PRKN: variants seen among roughly 807,000 people sequenced by gnomAD.
PRKN encodes the protein E3 ubiquitin-protein ligase parkin.
Under a neutral mutation model 59.5 loss-of-function variants are expected in PRKN, and 56 were observed. That is an observed-to-expected ratio of 0.94 (90% CI 0.76 to 1.18). PRKN has a LOEUF of 1.18. PRKN is among the 50% of genes most tolerant of loss of function. The probability of loss-of-function intolerance (pLI) is 0.00; values close to 1 mark genes in which losing one functional copy is unlikely to be tolerated. For synonymous variants in PRKN, 250 were observed against 222.1 expected, an observed-to-expected ratio of 1.13 and a Z score of -1.12; for missense variants, 657 against 596.4, an observed-to-expected ratio of 1.10 and a Z score of -1.06.
At chr6:162,593,684 G>A (rs1437501510) in intron 1 of PRKN, among the ~76,000 whole-genome samples, 1 of 152,104 alleles carries the variant, frequency 6.6e-6, no homozygotes, top group Non-Finnish European at 1.5e-5. Flanking sequence ...CCCAGAGGAA[G>A]GGCAACTGGC....
intron 2 of PRKN, among the ~76,000 whole-genome samples, chr6:162,388,861 G>C (rs1051665429): frequency 6.6e-6 from 1 of 152,036 alleles, no homozygotes; most frequent in Non-Finnish European, 1.5e-5. Context: ...TCGGGTATGG[G>C]GGTCTGATGC....
chr6:161,640,092 G>A (rs999018373), intron 7 of PRKN, among the ~76,000 whole-genome samples: 1 of 152,164 alleles, frequency 6.6e-6, no homozygotes, highest in Non-Finnish European at 1.5e-5. Flanking sequence ...AGCACTGTAT[G>A]TATTTTATTC....
chr6:162,504,834 A>C (rs906388562), intron 1 of PRKN, among the ~76,000 whole-genome samples: 4 of 152,300 alleles, frequency 2.6e-5, no homozygotes, highest in Admixed American at 1.3e-4. Flanking sequence ...AACTGTAGAA[A>C]TCAATATGAA....
rs200077606 is a variant in PRKN at position 161,536,420 on chromosome 6, G to GA, written c.1083+12433dup. ...TCATTTCCCAAACTGGTCCACACTT[G>GA]AAAAAAAAAAAAAATCTGTTCTGTT... On this transcript the variant is annotated intron_variant, in intron 9 of 11. Coordinates refer to ENST00000366898, the MANE Select transcript of PRKN (RefSeq NM_004562.3). Among the ~76,000 whole-genome samples, 1,353 of 141,440 alleles carry GA rather than the reference G, an allele frequency of 9.6e-3. 20 individuals are homozygous for GA. Among genetic ancestry groups the GA allele is most frequent in the African/African-American group, 0.031 (1,179 of 38,484 alleles). 92.8% of individuals were successfully genotyped at this position (141,440 alleles called of 152,430 possible). A position where few individuals can be genotyped will look rare whatever the true frequency, so the allele number is the denominator to read the frequency against.
intron 4 of PRKN, among the ~76,000 whole-genome samples, chr6:162,153,266 T>G (rs1232863917): frequency 1.3e-5 from 2 of 152,218 alleles, no homozygotes; most frequent in Non-Finnish European, 1.5e-5. Flanking sequence ...ATTACTCACT[T>G]GGGCCTGCTG....
chr6:162,233,552 T>C (rs1347027525), intron 3 of PRKN, among the ~76,000 whole-genome samples: 2 of 152,140 alleles, frequency 1.3e-5, no homozygotes, highest in Non-Finnish European at 2.9e-5. Context: ...AGAAAAAACC[T>C]CCTCCTCATT....
chr6:161,596,946 C>A (rs1371322394), intron 7 of PRKN, among the ~76,000 whole-genome samples: 1 of 152,182 alleles, frequency 6.6e-6, no homozygotes, highest in East Asian at 1.9e-4. Flanking sequence ...GAATCCTATT[C>A]TCCGTGTACA....
chr6:161,366,328 G>C (rs899930587), intron 10 of PRKN, among the ~76,000 whole-genome samples: 1 of 152,138 alleles, frequency 6.6e-6, no homozygotes, highest in Non-Finnish European at 1.5e-5. Context: ...CATGTCCACA[G>C]GACACCAGAG....
intron 2 of PRKN, among the ~76,000 whole-genome samples, chr6:162,419,499 T>A (rs117176254): frequency 1.3e-5 from 2 of 151,942 alleles, no homozygotes; most frequent in Non-Finnish European, 2.9e-5. Flanking sequence ...ATTGCTCAGA[T>A]GAAGAAACTG....
intron 7 of PRKN, among the ~76,000 whole-genome samples, chr6:161,675,736 G>A (rs1403508966): frequency 2.0e-5 from 3 of 152,142 alleles, no homozygotes; most frequent in South Asian, 4.1e-4. Context: ...ATCATGACCT[G>A]TAGTCTATAT....
rs1033633770 is a variant in PRKN, at chr6:162,664,086, C to A, written c.7+63576G>T. Among the ~76,000 whole-genome samples, 3 of 152,030 alleles carry A rather than the reference C, an allele frequency of 2.0e-5. No individual in the cohort carries two copies. In the South Asian group the frequency reaches 6.2e-4, roughly 32 times the overall value. Reference sequence around the variant, plus strand: ...CAACAGGCCCTGGTGTGTGTTGTTACCCTGTGTCCAGGTGTTCTCAATGTT... The same window carrying A: ...CAACAGGCCCTGGTGTGTGTTGTTAACCTGTGTCCAGGTGTTCTCAATGTT... On this transcript the variant is annotated intron_variant, in intron 1 of 11. Coordinates refer to ENST00000366898, the MANE Select transcript of PRKN (RefSeq NM_004562.3).
At chr6:161,430,744 G>C (rs1051901985) in intron 9 of PRKN, among the ~76,000 whole-genome samples, 7 of 150,028 alleles carry the variant, frequency 4.7e-5, no homozygotes, top group African/African-American at 1.7e-4. Context: ...GAACCTGGGA[G>C]GCGGAGCTTG....
At chr6:162,340,047 C>G (rs1193783592) in intron 2 of PRKN, among the ~76,000 whole-genome samples, 1 of 146,700 alleles carries the variant, frequency 6.8e-6, no homozygotes, top group Non-Finnish European at 1.5e-5. Flanking sequence ...GACCTTTGTT[C>G]ACTTGTTTAT....
chr6:161,884,920 A>G (rs1795075301), intron 6 of PRKN, among the ~76,000 whole-genome samples: 1 of 152,066 alleles, frequency 6.6e-6, no homozygotes, highest in African/African-American at 2.4e-5. Context: ...GCAGCAAAGA[A>G]TAGCACTAGA....
At chr6:162,032,062 A>T (rs1783664542) in intron 5 of PRKN, among the ~76,000 whole-genome samples, 1 of 152,158 alleles carries the variant, frequency 6.6e-6, no homozygotes, top group Non-Finnish European at 1.5e-5. Context: ...CATCAATATT[A>T]TCTGGCTCAT....
intron 2 of PRKN, among the ~76,000 whole-genome samples, chr6:162,413,682 A>G (rs1788466434): frequency 6.6e-6 from 1 of 152,204 alleles, no homozygotes; most frequent in South Asian, 2.1e-4. Context: ...TATTCAATTT[A>G]GGAATTAAAT....
chr6:161,798,411 G>A lies in PRKN; in HGVS notation c.735-12503C>T, dbSNP rs571876745. The stretch of plus-strand genomic sequence containing the variant: ...CCTCAGAATCCCATTTCTGTGAAAC[G>A]AGGACCTGTGACATCAGCAGGTTAG... On this transcript the variant is annotated intron_variant, in intron 6 of 11. Transcript: ENST00000366898. 1.2e-4 allele frequency among the ~76,000 whole-genome samples: 18 copies of A among 152,288 alleles called. 1 individual carries two copies. The highest frequency in any genetic ancestry group is 7.8e-4 in the Admixed American group (12 of 15,292).
At chr6:162,196,219 T>C (rs1445458740) in intron 4 of PRKN, among the ~76,000 whole-genome samples, 5 of 152,130 alleles carry the variant, frequency 3.3e-5, no homozygotes, top group African/African-American at 4.8e-5. Context: ...TTTCAAATCA[T>C]GCCAAGGGAC....
intron 4 of PRKN, among the ~76,000 whole-genome samples, chr6:162,179,693 A>G (rs898007853): frequency 1.3e-5 from 2 of 152,160 alleles, no homozygotes; most frequent in East Asian, 3.9e-4. Flanking sequence ...GTCAACAACA[A>G]CCAAGAAAAG....
Sources: allele counts gnomAD v4.1 joint callset (sites outside exome capture counted in the v4.1 genomes callset), GRCh38; gene constraint gnomAD v4.1.1; transcripts MANE v1.5; gene names NCBI Gene and HGNC (gene_info 2026-07-23, HGNC 2026-07-21).